SRBD1: variants seen among roughly 807,000 people sequenced by gnomAD.
SRBD1 encodes the protein S1 RNA binding domain 1, also known as S1 RNA-binding domain-containing protein 1.
In SRBD1, 88 loss-of-function variants were observed where a neutral mutation model predicts 115.3. The ratio of observed to expected loss-of-function variants is 0.76; its 90% CI spans 0.64 to 0.91. The LOEUF is 0.91. Among genes scored for constraint, SRBD1 ranks in the 40% least tolerant of loss-of-function variants. The pLI is 0.00. For synonymous variants in SRBD1, 509 were observed against 407.7 expected (o/e 1.25, Z -2.99); for missense variants, 1,385 against 1,177.4 (o/e 1.18, Z -2.58).
intron 15 of SRBD1, among the ~76,000 whole-genome samples, chr2:45,483,264 G>A (rs1670019539): frequency 6.6e-6 from 1 of 151,918 alleles, no homozygotes; most frequent in Non-Finnish European, 1.5e-5. Flanking sequence ...AATGTATAGA[G>A]GAAGACAATT....
At chr2:45,553,899 A>G (rs1241873398) in intron 10 of SRBD1, among the ~76,000 whole-genome samples, 169 bp from the exon 11 acceptor site, 1 of 152,212 alleles carries the variant, frequency 6.6e-6, no homozygotes, top group Non-Finnish European at 1.5e-5. Flanking sequence ...TATTACTATG[A>G]CATCTGGAGT....
intron 15 of SRBD1, among the ~76,000 whole-genome samples, chr2:45,480,027 T>C (rs775301476): frequency 5.9e-5 from 9 of 152,160 alleles, no homozygotes; most frequent in Non-Finnish European, 1.3e-4. Context: ...ATGGCACATA[T>C]GTTTATAGCA....
chr2:45,536,316 CT>C (rs1167271485), intron 14 of SRBD1, among the ~76,000 whole-genome samples: 1 of 151,086 alleles, frequency 6.6e-6, no homozygotes, highest in African/African-American at 2.5e-5. Context: ...AGGTTCCTTT[CT>C]TTTTTTTCTT....
chr2:45,586,913 TTTAA>T (rs1177015052), intron 4 of SRBD1, among the ~76,000 whole-genome samples: 3 of 147,506 alleles, frequency 2.0e-5, no homozygotes, highest in Non-Finnish European at 4.5e-5. Flanking sequence ...ATTTTAAATA[TTTAA>T]TTATTTTAAA....
chr2:45,389,686 A>G, intron 20 of SRBD1, 87 bp from the exon 21 acceptor site: 1 of 1,286,436 alleles, frequency 7.8e-7, no homozygotes, highest in Non-Finnish European at 1.1e-6. Flanking sequence ...ACTACATACT[A>G]TGTGCCCAGA....
intron 16 of SRBD1, among the ~76,000 whole-genome samples, chr2:45,437,849 G>A (rs1055869496): frequency 3.3e-5 from 5 of 152,076 alleles, no homozygotes; most frequent in Non-Finnish European, 7.4e-5. Context: ...CTTGGATATG[G>A]CAATGACTTT....
Position 45,553,705 on chromosome 2 carries a change from G to A in SRBD1, c.1435C>T (p.Pro479Ser), listed in dbSNP as rs371405679. 1.0e-5 allele frequency: 16 copies of A among 1,602,560 alleles called. No homozygotes were observed. Among genetic ancestry groups the A allele is most frequent in the Non-Finnish European group, 1.3e-5 (15 of 1,174,744 alleles). ...NRWRPRSFAR[P>S]ELMKILYNSL... is the part of the protein sequence containing the mutation. ...TTATATAAGATCTTCATTAACTCTG[G>A]CCTTGCAAAGCTACGTGGTCTCCAC... The change falls in exon 11 of 21, where the codon CCA (proline) becomes TCA (serine). Residue 479 changes from proline to serine, a missense_variant. Physicochemically the swap from Pro to Ser is moderately conservative, Grantham distance 74. Transcript: ENST00000263736.
intron 15 of SRBD1, among the ~76,000 whole-genome samples, chr2:45,484,144 T>G (rs1670046392): frequency 6.6e-6 from 1 of 152,096 alleles, no homozygotes; most frequent in African/African-American, 2.4e-5. Flanking sequence ...CTGGCATCTG[T>G]TTTTAATATT....
chr2:45,602,217 C>G, intron 2 of SRBD1, 134 bp from the exon 3 acceptor site: 2 of 1,012,912 alleles, frequency 2.0e-6, no homozygotes, highest in Non-Finnish European at 2.8e-6. Flanking sequence ...TGAGTACAGG[C>G]TGTGAACAGT....
intron 16 of SRBD1, among the ~76,000 whole-genome samples, chr2:45,468,244 C>T (rs905449138): frequency 2.6e-5 from 4 of 152,022 alleles, no homozygotes; most frequent in Admixed American, 1.3e-4. Flanking sequence ...GAGGTTTCTC[C>T]ATATTAATCT....
intron 16 of SRBD1, among the ~76,000 whole-genome samples, chr2:45,469,268 T>C (rs943789487): frequency 6.6e-6 from 1 of 152,116 alleles, no homozygotes; most frequent in Non-Finnish European, 1.5e-5. Context: ...ATTTTTTAAA[T>C]GATCATATAA....
chr2:45,469,962 CCT>C (rs1669598164), intron 16 of SRBD1, among the ~76,000 whole-genome samples: 1 of 152,184 alleles, frequency 6.6e-6, no homozygotes, highest in African/African-American at 2.4e-5. Flanking sequence ...AGAACAATTT[CCT>C]CTGTTTCACC....
chr2:45,513,306 C>CA (rs1278618479), intron 14 of SRBD1, among the ~76,000 whole-genome samples: 2 of 151,096 alleles, frequency 1.3e-5, no homozygotes, highest in African/African-American at 4.9e-5. Context: ...ATTTCAGGCT[C>CA]AAAAAAGATG....
At chr2:45,597,335 G>A (rs539376643) in intron 4 of SRBD1, among the ~76,000 whole-genome samples, 4 of 151,790 alleles carry the variant, frequency 2.6e-5, no homozygotes, top group South Asian at 2.1e-4. Flanking sequence ...CAGGAGAATC[G>A]CTTGAACCTG....
intron 14 of SRBD1, among the ~76,000 whole-genome samples, chr2:45,502,025 T>G (rs1670647859): frequency 6.6e-6 from 1 of 152,138 alleles, no homozygotes; most frequent in South Asian, 2.1e-4. Context: ...GTAGCCTAAC[T>G]GGGAGGCACC....
chr2:45,446,027 G>C (rs1668813687), intron 16 of SRBD1, among the ~76,000 whole-genome samples: 1 of 152,130 alleles, frequency 6.6e-6, no homozygotes, highest in African/African-American at 2.4e-5. Flanking sequence ...ATACATGATG[G>C]GGACACAGTT....
chr2:45,413,201 T>A lies in SRBD1; in HGVS notation c.2426A>T (p.Lys809Met), dbSNP rs1030321919. 2.7e-5 allele frequency: 43 copies of A among 1,614,044 alleles called. 1 individual carries two copies. The highest frequency in any genetic ancestry group is 3.2e-5 in the Non-Finnish European group (38 of 1,180,002). The change falls in exon 19 of 21, where the codon AAG (lysine) becomes ATG (methionine). Residue 809 changes from lysine (K) to methionine (M), a missense_variant. Lys to Met is a moderately conservative substitution (Grantham distance 95). Coordinates refer to ENST00000263736, the MANE Select transcript of SRBD1 (RefSeq NM_018079.5). ...TAAAACATTCACTGCAGTTTTGCTC[T>A]TCTTTTTGCCCTGCTTCTCATTTGT... ...EVTNEKQGKKKSKTAVNVLLK... is the reference protein window; with the variant it reads ...EVTNEKQGKKMSKTAVNVLLK...
chr2:45,571,223 T>C (rs1450687829), intron 9 of SRBD1, among the ~76,000 whole-genome samples: 1 of 151,998 alleles, frequency 6.6e-6, no homozygotes, highest in African/African-American at 2.4e-5. Context: ...ATCTGCAAAG[T>C]CTGGGAGAGT....
chr2:45,418,309 T>C, intron 18 of SRBD1, 56 bp downstream of exon 18: 1 of 1,579,636 alleles, frequency 6.3e-7, no homozygotes, highest in Non-Finnish European at 8.6e-7. Flanking sequence ...GTAGGATAGG[T>C]AACAGTAACA....
Sources: allele counts gnomAD v4.1 joint callset (sites outside exome capture counted in the v4.1 genomes callset), GRCh38; gene constraint gnomAD v4.1.1; transcripts MANE v1.5; gene names NCBI Gene and HGNC (gene_info 2026-07-23, HGNC 2026-07-21).